The following SUCLG1 variants were observed in gnomAD, a reference collection of about 807,000 sequenced individuals.
SUCLG1 encodes the protein succinate-CoA ligase GDP/ADP-forming subunit alpha, also known as succinate--CoA ligase [ADP/GDP-forming] subunit alpha, mitochondrial.
SUCLG1 carries 26 observed loss-of-function variants against 37.3 expected under a neutral mutation model. The observed-to-expected ratio is 0.70, with a 90% CI of 0.51 to 0.97. The LOEUF is 0.97. Ranked by LOEUF, SUCLG1 falls within the 50% of genes least tolerant of loss-of-function variation. SUCLG1 has a pLI of 0.00. For synonymous variants in SUCLG1, 163 were observed against 155.6 expected (o/e 1.05, Z -0.36); for missense variants, 433 against 432.9 (o/e 1.00, Z 0.00).
Position 84,431,652 on chromosome 2 carries a change from T to G in SUCLG1, c.681A>C (p.Gly227=). ...GLGQSLCVGI[G]GDPFNGTDFI... is the part of the protein sequence containing the mutation. Reference sequence around the variant, plus strand: ...AATCTGTTCCATTAAAAGGATCACCTCCAATGCCTGAAAAAGTTGAAAAAT... The same window carrying G: ...AATCTGTTCCATTAAAAGGATCACCGCCAATGCCTGAAAAAGTTGAAAAAT... Residue 227 remains glycine (G), a synonymous_variant, in exon 7 of 9, where the codon GGA becomes GGC. Transcript: ENST00000393868. 1 of 1,613,934 alleles carries G rather than the reference T, an allele frequency of 6.2e-7. No individual in the cohort carries two copies. The highest frequency in any genetic ancestry group is 8.5e-7 in the Non-Finnish European group (1 of 1,179,890).
chr2:84,443,663 T>C (rs1672807551), intron 2 of SUCLG1, among the ~76,000 whole-genome samples: 1 of 152,206 alleles, frequency 6.6e-6, no homozygotes, highest in Non-Finnish European at 1.5e-5. Flanking sequence ...CAACTCCTCA[T>C]GTGCTCACAC....
chr2:84,444,875 T>G (rs1037247674), intron 2 of SUCLG1, among the ~76,000 whole-genome samples: 3 of 152,246 alleles, frequency 2.0e-5, no homozygotes, highest in Non-Finnish European at 4.4e-5. Flanking sequence ...TATGGCTCTG[T>G]TCCGCCCGGC....
chr2:84,452,174 G>A (rs1417213557), intron 1 of SUCLG1, among the ~76,000 whole-genome samples: 2 of 149,354 alleles, frequency 1.3e-5, no homozygotes, highest in Non-Finnish European at 3.0e-5. Flanking sequence ...GGTGTGTGAA[G>A]TACTATAATA....
At chr2:84,425,699 G>A (rs1573361542) in intron 7 of SUCLG1, 96 bp from the exon 8 acceptor site, 2 of 1,398,424 alleles carry the variant, frequency 1.4e-6, no homozygotes, top group East Asian at 2.3e-5. Context: ...TAAATGGCTT[G>A]GGCAGGGGAA....
chr2:84,423,627 T>C lies in SUCLG1; in HGVS notation c.*119A>G, dbSNP rs1432373393. ...TCCACCTTGTTTTGGCTTCCAGTTG[T>C]ACTGCAAGACCAGTGTCAGGCACAT... is the stretch of plus-strand genomic sequence containing the variant. On this transcript the variant is annotated 3_prime_UTR_variant, in exon 9 of 9. Transcript: ENST00000393868. 2 of 1,009,302 alleles carry C rather than the reference T, an allele frequency of 2.0e-6. No individual in the cohort carries two copies. The highest frequency in any genetic ancestry group is 3.2e-5 in the African/African-American group (2 of 62,434). 62.5% of individuals were successfully genotyped at this position (1,009,302 alleles called of 1,614,324 possible).
Position 84,423,538 on chromosome 2 carries a change from ATAG to A in SUCLG1, c.*205_*207del. 1.6e-6 allele frequency: 1 copy of A among 616,178 alleles called. No individual in the cohort carries two copies. The highest frequency in any genetic ancestry group is 1.9e-5 in the South Asian group (1 of 51,846). The allele number at this position is 616,178 out of a possible 1,614,324, so 38.2% of individuals were successfully genotyped here. A position where few individuals can be genotyped will look rare whatever the true frequency, so the allele number is the denominator to read the frequency against. Reference sequence around the variant, plus strand: ...GCCTCCAAAACCATATTGAAATCAAATAGTAGATTTATTGGCTGTCTCTGTAAT... The same window carrying A: ...GCCTCCAAAACCATATTGAAATCAAATAGATTTATTGGCTGTCTCTGTAAT... On this transcript the variant is annotated 3_prime_UTR_variant, in exon 9 of 9. Transcript: ENST00000393868.
intron 3 of SUCLG1, among the ~76,000 whole-genome samples, chr2:84,442,166 TA>T (rs11310460): frequency 0.94 from 131,997 of 141,084 alleles, 61,684 homozygotes; most frequent in South Asian, 0.96. Flanking sequence ...GAACTTTCTT[TA>T]AAAAAAAAAA....
rs141585012 is a variant in SUCLG1 at position 84,446,265 on chromosome 2, T to C, written c.202-2865A>G. Among the ~76,000 whole-genome samples, 729 of 152,376 alleles carry C rather than the reference T, an allele frequency of 4.8e-3. 6 individuals carry two copies. Among genetic ancestry groups the C allele is most frequent in the Middle Eastern group, 0.021 (6 of 292 alleles). ...CACATAATATACTCATTGATTTTGTTGATATATTCCCCACCAACCACTAAA... is the reference window on the plus strand; with the variant it reads ...CACATAATATACTCATTGATTTTGTCGATATATTCCCCACCAACCACTAAA... On this transcript the variant is annotated intron_variant, in intron 2 of 8. Transcript: ENST00000393868.
intron 7 of SUCLG1, among the ~76,000 whole-genome samples, chr2:84,429,559 AG>A (rs1558608245): frequency 6.6e-6 from 1 of 152,108 alleles, no homozygotes; most frequent in Admixed American, 6.6e-5. Context: ...CACAGTCTAG[AG>A]TGAAAGTCAG....
At chr2:84,441,568 C>T in intron 3 of SUCLG1, 109 bp from the exon 4 acceptor site, 2 of 1,207,610 alleles carry the variant, frequency 1.7e-6, no homozygotes, top group Non-Finnish European at 2.4e-6. Context: ...AAGGACACTA[C>T]CCAGAGACAT....
rs772194769 is a variant in SUCLG1 at position 84,423,789 on chromosome 2, G to C, written c.1015-17C>G. 6 of 1,602,384 alleles carry C rather than the reference G, an allele frequency of 3.7e-6. No homozygotes were observed. The South Asian group carries it at 5.5e-5, about 15-fold the overall frequency. ...TTCAAATTCCTTCAGAAACAGAAGA[G>C]AGAGAGAAGAGAGATGGAATGAATA... is the stretch of plus-strand genomic sequence containing the variant. On this transcript the variant is annotated splice_polypyrimidine_tract_variant and intron_variant, in intron 8 of 8. Transcript: ENST00000393868.
chr2:84,448,075 T>C (rs1672876323), intron 2 of SUCLG1, among the ~76,000 whole-genome samples: 1 of 150,486 alleles, frequency 6.6e-6, no homozygotes, highest in African/African-American at 2.5e-5. Flanking sequence ...GGGTGTTTCA[T>C]TTTTTGATAT....
intron 2 of SUCLG1, among the ~76,000 whole-genome samples, chr2:84,444,948 C>T (rs1208152771): frequency 2.0e-5 from 3 of 152,304 alleles, no homozygotes; most frequent in East Asian, 1.9e-4. Context: ...TTATCCTGTT[C>T]CTTTTTCATG....
At chr2:84,446,332 C>T (rs1376222671) in intron 2 of SUCLG1, among the ~76,000 whole-genome samples, 1 of 152,172 alleles carries the variant, frequency 6.6e-6, no homozygotes, top group African/African-American at 2.4e-5. Flanking sequence ...CCACTTTGTT[C>T]ATTGCAATAT....
At chr2:84,446,363 G>A (rs1672852293) in intron 2 of SUCLG1, among the ~76,000 whole-genome samples, 1 of 152,156 alleles carries the variant, frequency 6.6e-6, no homozygotes, top group Non-Finnish European at 1.5e-5. Context: ...TCAATATACA[G>A]TAGGCATTCA....
At chr2:84,451,484 G>A (rs571413085) in intron 1 of SUCLG1, among the ~76,000 whole-genome samples, 24 of 152,250 alleles carry the variant, frequency 1.6e-4, no homozygotes, top group Middle Eastern at 3.4e-3. Context: ...CCTTCCACAG[G>A]AGCAGAAGTC....
chr2:84,424,028 A>T (rs1027183908), intron 8 of SUCLG1, among the ~76,000 whole-genome samples: 1 of 152,218 alleles, frequency 6.6e-6, no homozygotes, highest in Admixed American at 6.5e-5. Flanking sequence ...CCAGAAGCAG[A>T]GAGGGAGGTT....
chr2:84,444,769 A>T (rs1672825025), intron 2 of SUCLG1, among the ~76,000 whole-genome samples: 1 of 152,180 alleles, frequency 6.6e-6, no homozygotes, highest in Non-Finnish European at 1.5e-5. Flanking sequence ...TGGCCATTTT[A>T]GAGGCCTACC....
At chr2:84,456,766 C>T (rs1673027259) in intron 1 of SUCLG1, among the ~76,000 whole-genome samples, 1 of 152,172 alleles carries the variant, frequency 6.6e-6, no homozygotes, top group Non-Finnish European at 1.5e-5. Context: ...CGGGTTCAAG[C>T]AATTCTCCTG....
Sources: allele counts gnomAD v4.1 joint callset (sites outside exome capture counted in the v4.1 genomes callset), GRCh38; gene constraint gnomAD v4.1.1; transcripts MANE v1.5; gene names NCBI Gene and HGNC (gene_info 2026-07-23, HGNC 2026-07-21).